SGCZ: variants seen among roughly 807,000 people sequenced by gnomAD.
SGCZ encodes the protein sarcoglycan zeta.
Under a neutral mutation model 41.3 loss-of-function variants are expected in SGCZ, and 40 were observed. That is an observed-to-expected ratio of 0.97 (90% CI 0.75 to 1.26). The LOEUF (loss-of-function observed/expected upper bound fraction) is 1.26. Among genes scored for constraint, SGCZ ranks in the 50% most tolerant of loss-of-function variants. The pLI, the probability that SGCZ is intolerant of heterozygous loss-of-function variation, is 0.00. For synonymous variants in SGCZ, 206 were observed against 137.5 expected, an observed-to-expected ratio of 1.50 and a Z score of -3.49; for missense variants, 552 against 369.8, an observed-to-expected ratio of 1.49 and a Z score of -4.04.
At chr8:14,252,087 A>G (rs1799308293) in intron 3 of SGCZ, among the ~76,000 whole-genome samples, 1 of 152,018 alleles carries the variant, frequency 6.6e-6, no homozygotes, top group Non-Finnish European at 1.5e-5. Flanking sequence ...CATTCTTTAC[A>G]GTCTCCCCAT....
At chr8:14,842,757 G>C (rs769715397) in intron 1 of SGCZ, among the ~76,000 whole-genome samples, 25 of 152,148 alleles carry the variant, frequency 1.6e-4, no homozygotes, top group Non-Finnish European at 3.4e-4. Context: ...CTTGGGATTT[G>C]TACACTGGAT....
intron 5 of SGCZ, among the ~76,000 whole-genome samples, chr8:14,134,164 CA>C (rs1803125363): frequency 6.6e-6 from 1 of 152,160 alleles, no homozygotes; most frequent in African/African-American, 2.4e-5. Flanking sequence ...ACTGCATTTT[CA>C]AACATATTCT....
chr8:14,460,653 C>T (rs920275194), intron 2 of SGCZ, among the ~76,000 whole-genome samples: 4 of 152,170 alleles, frequency 2.6e-5, no homozygotes, highest in East Asian at 1.9e-4. Context: ...AACAGAGAGA[C>T]GAATTCCAAA....
rs529335388 is a variant in SGCZ at position 14,430,343 on chromosome 8, C to T, written c.235-106139G>A. On this transcript the variant is annotated intron_variant, in intron 2 of 7. Coordinates refer to ENST00000382080, the MANE Select transcript of SGCZ (RefSeq NM_139167.4). ...CCAACAACATATCAAAAAGATAATT[C>T]ACCATAATCAAGTGGGTTTCATACC... is the stretch of plus-strand genomic sequence containing the variant. 4.6e-5 allele frequency among the ~76,000 whole-genome samples: 7 copies of T among 152,194 alleles called. No homozygotes were observed. The South Asian group carries it at 1.5e-3, about 32-fold the overall frequency.
chr8:14,966,942 A>C (rs1339381234), intron 1 of SGCZ, among the ~76,000 whole-genome samples: 1 of 152,148 alleles, frequency 6.6e-6, no homozygotes, highest in African/African-American at 2.4e-5. Context: ...CAGAAAAATA[A>C]ACCAATTCTC....
chr8:15,081,176 A>C (rs1414349559), intron 1 of SGCZ, among the ~76,000 whole-genome samples: 1 of 152,166 alleles, frequency 6.6e-6, no homozygotes, highest in African/African-American at 2.4e-5. Context: ...TCAAGACACT[A>C]AATTTTTTTA....
intron 2 of SGCZ, among the ~76,000 whole-genome samples, chr8:14,335,297 G>A (rs1206514005): frequency 6.6e-6 from 1 of 152,068 alleles, no homozygotes. Context: ...AATGCAATGG[G>A]TCATCTCTCA....
chr8:14,294,880 ATG>A (rs1800959843), intron 3 of SGCZ, among the ~76,000 whole-genome samples: 1 of 152,168 alleles, frequency 6.6e-6, no homozygotes, highest in Non-Finnish European at 1.5e-5. Flanking sequence ...CCCTTTTAAA[ATG>A]TCAATAATAA....
intron 2 of SGCZ, among the ~76,000 whole-genome samples, chr8:14,359,128 T>TACGTGAAGATAATTTCA (rs1297819153): frequency 6.7e-6 from 1 of 148,426 alleles, no homozygotes; most frequent in East Asian, 1.9e-4. Context: ...AGAAACAAAG[T>TACGTGAAGATAATTTCA]ACAAGAAGAC....
intron 1 of SGCZ, among the ~76,000 whole-genome samples, chr8:14,596,123 G>A (rs1295624212): frequency 1.3e-5 from 2 of 152,222 alleles, no homozygotes; most frequent in African/African-American, 2.4e-5. Flanking sequence ...CTTAGTATCT[G>A]TCACAATGAT....
At chr8:15,098,266 G>T (rs1255718482) in intron 1 of SGCZ, among the ~76,000 whole-genome samples, 3 of 152,130 alleles carry the variant, frequency 2.0e-5, no homozygotes, top group South Asian at 2.1e-4. Flanking sequence ...ACTGAAACAA[G>T]TTTAAAGCTA....
chr8:14,919,164 C>G (rs532599658), intron 1 of SGCZ, among the ~76,000 whole-genome samples: 1 of 152,088 alleles, frequency 6.6e-6, no homozygotes, highest in Non-Finnish European at 1.5e-5. Context: ...TAAGGCCAGG[C>G]GAGGTGGCTC....
At chr8:14,919,484 T>A (rs1231004062) in intron 1 of SGCZ, among the ~76,000 whole-genome samples, 1 of 152,134 alleles carries the variant, frequency 6.6e-6, no homozygotes, top group Non-Finnish European at 1.5e-5. Context: ...CAGTGTCAAT[T>A]TGATACATAT....
intron 1 of SGCZ, among the ~76,000 whole-genome samples, chr8:14,945,069 C>G (rs1016119387): frequency 6.9e-6 from 1 of 145,562 alleles, no homozygotes; most frequent in Non-Finnish European, 1.5e-5. Flanking sequence ...CAGAGAAGCA[C>G]CTTATTCAAG....
chr8:14,389,686 G>A (rs1804695787), intron 2 of SGCZ, among the ~76,000 whole-genome samples: 1 of 151,866 alleles, frequency 6.6e-6, no homozygotes, highest in Non-Finnish European at 1.5e-5. Flanking sequence ...AGAAAAATAT[G>A]CCCAAGAAGT....
At chr8:14,982,522 C>T (rs1236331780) in intron 1 of SGCZ, among the ~76,000 whole-genome samples, 1 of 152,160 alleles carries the variant, frequency 6.6e-6, no homozygotes, top group Non-Finnish European at 1.5e-5. Context: ...TTTGACTCCT[C>T]CCACGTGATA....
intron 4 of SGCZ, among the ~76,000 whole-genome samples, chr8:14,183,643 A>C (rs185440530): frequency 6.6e-6 from 1 of 152,318 alleles, no homozygotes; most frequent in East Asian, 1.9e-4. Flanking sequence ...CACAAAATTT[A>C]ACACCACCCA....
chr8:14,291,399 T>C (rs7833647), intron 3 of SGCZ, among the ~76,000 whole-genome samples: 8,403 of 152,108 alleles, frequency 0.055, 733 homozygotes, highest in African/African-American at 0.19. Flanking sequence ...TAGTAGTGCA[T>C]AAATATTTAT....
intron 1 of SGCZ, among the ~76,000 whole-genome samples, chr8:14,606,642 C>T (rs1014774219): frequency 6.6e-6 from 1 of 152,148 alleles, no homozygotes; most frequent in African/African-American, 2.4e-5. Flanking sequence ...AATAGGTTTA[C>T]TGTTTTCCCT....
Sources: allele counts gnomAD v4.1 joint callset (sites outside exome capture counted in the v4.1 genomes callset), GRCh38; gene constraint gnomAD v4.1.1; transcripts MANE v1.5; gene names NCBI Gene and HGNC (gene_info 2026-07-23, HGNC 2026-07-21).